The following GPR161 variants were observed in gnomAD, a reference collection of about 807,000 sequenced individuals.
The protein encoded by GPR161 is G protein-coupled receptor 161, also known as G-protein coupled receptor RE2.
GPR161 carries 25 observed loss-of-function variants against 39.2 expected under a neutral mutation model. The ratio of observed to expected loss-of-function variants is 0.64; its 90% CI spans 0.47 to 0.89. GPR161 has a LOEUF of 0.89. Among genes scored for constraint, GPR161 ranks in the 40% least tolerant of loss-of-function variants. GPR161 has a pLI of 0.00. For synonymous variants in GPR161, 286 were observed against 276.6 expected (o/e 1.03, Z -0.34); for missense variants, 547 against 677.8 (o/e 0.81, Z 2.14).
At position 168,079,770 on chromosome 1, in the gene GPR161, G is replaced by A. The variant is rs1055750376; in HGVS notation, c.*5761C>T. 6.6e-6 allele frequency: 1 copy of A among 152,092 alleles called. No individual in the cohort carries two copies. Among genetic ancestry groups the A allele is most frequent in the South Asian group, 2.1e-4 (1 of 4,816 alleles). 9.4% of individuals were successfully genotyped at this position (152,092 alleles called of 1,614,324 possible). A position where few individuals can be genotyped will look rare whatever the true frequency, so the allele number is the denominator to read the frequency against. Reference sequence around the variant, plus strand: ...CGGTCTATTATGAGAACACAACACAGTCCTCTGTCCCTTAAGCATGCAGGT... The same window carrying A: ...CGGTCTATTATGAGAACACAACACAATCCTCTGTCCCTTAAGCATGCAGGT... On this transcript the variant is annotated 3_prime_UTR_variant, in exon 6 of 6. Coordinates refer to ENST00000682931, the MANE Select transcript of GPR161 (RefSeq NM_001375883.1).
chr1:168,115,614 T>G (rs1697553939), intron 1 of GPR161, among the ~76,000 whole-genome samples: 1 of 152,248 alleles, frequency 6.6e-6, no homozygotes, highest in African/African-American at 2.4e-5. Context: ...CCTTCATTTA[T>G]GAGGACATCC....
At chr1:168,092,855 CG>C (rs1323471155) in intron 3 of GPR161, among the ~76,000 whole-genome samples, 1 of 152,158 alleles carries the variant, frequency 6.6e-6, no homozygotes, top group African/African-American at 2.4e-5. Flanking sequence ...CAGTGTCCTT[CG>C]CAGGAGATAA....
intron 1 of GPR161, among the ~76,000 whole-genome samples, chr1:168,110,593 A>AAAAGAAAAGAAAAGAAAAGAAAAG (rs144639460): frequency 1.3e-5 from 1 of 78,866 alleles, no homozygotes; most frequent in East Asian, 2.7e-4. Context: ...AAAAGAAAAG[A>AAAAGAAAAGAAAAGAAAAGAAAAG]AAAGAGACAA....
intron 3 of GPR161, among the ~76,000 whole-genome samples, chr1:168,095,714 G>A (rs1013832645): frequency 6.6e-6 from 1 of 152,194 alleles, no homozygotes; most frequent in Non-Finnish European, 1.5e-5. Context: ...TGGTTGAGGA[G>A]GAAGACAGCA....
intron 1 of GPR161, among the ~76,000 whole-genome samples, chr1:168,132,852 C>T (rs1251523469): frequency 2.0e-5 from 3 of 152,128 alleles, no homozygotes; most frequent in Admixed American, 2.0e-4. Context: ...TCAAGCGATT[C>T]TCCTGCCTCA....
chr1:168,136,947 C>CGGG, upstream of GPR161: 2 of 940,878 alleles, frequency 2.1e-6, no homozygotes, highest in Non-Finnish European at 2.5e-6. Flanking sequence ...GCGGCGCCCG[C>CGGG]GCCCCGCCCC....
Position 168,091,759 on chromosome 1 carries a change from T to TA in GPR161, c.1100-1092dup, listed in dbSNP as rs565387273. The stretch of plus-strand genomic sequence containing the variant: ...GGTCATCCTCAGAATGTTAGGAAAA[T>TA]AAAAAAAAGAGCTGCAGGCTATGAA... On this transcript the variant is annotated intron_variant, in intron 3 of 5. Transcript: ENST00000682931. Among the ~76,000 whole-genome samples, 99 of 150,764 alleles carry TA rather than the reference T, an allele frequency of 6.6e-4. 1 individual carries two copies. The South Asian group carries it at 0.019, about 29-fold the overall frequency.
Position 168,119,231 on chromosome 1 carries a change from TATATATATATACAC to T in GPR161, c.-44-14351_-44-14338del, listed in dbSNP as rs1451267512. Among the ~76,000 whole-genome samples the T allele has an allele frequency of 3.4e-4, 40 of 116,038 alleles. 5 individuals are homozygous for T. The highest frequency in any genetic ancestry group is 1.5e-3 in the African/African-American group (37 of 24,396). The allele number at this position is 116,038 out of a possible 152,430, so 76.1% of individuals were successfully genotyped here. On this transcript the variant is annotated intron_variant, in intron 1 of 5. Transcript: ENST00000682931. ...ATATGTATACATATATATATACGTATATATATATATACACATATATATATACGTATATATATGTG... is the reference window on the plus strand; with the variant it reads ...ATATGTATACATATATATATACGTATATATATATATACGTATATATATGTG...
chr1:168,096,727 C>A lies in GPR161; in HGVS notation c.880G>T (p.Ala294Ser). The change falls in exon 3 of 6, where the codon GCC becomes TCC. Residue 294 changes from alanine to serine, a missense_variant. Coordinates refer to ENST00000682931, the MANE Select transcript of GPR161 (RefSeq NM_001375883.1). ...GAGACGGAGCTTTTCCCCCAGAGGGCCTCAGAGGCGATGACAACCATGTAG... is the reference window on the plus strand; with the variant it reads ...GAGACGGAGCTTTTCCCCCAGAGGGACTCAGAGGCGATGACAACCATGTAG... The part of the protein sequence containing the change: ...GPYMVVIASE[A>S]LWGKSSVSPS... The A allele has an allele frequency of 6.2e-7, 1 of 1,614,076 alleles. No homozygotes were observed. Among genetic ancestry groups the A allele is most frequent in the Non-Finnish European group, 8.5e-7 (1 of 1,180,020 alleles).
chr1:168,109,206 C>T (rs1397642819), intron 1 of GPR161, among the ~76,000 whole-genome samples: 2 of 152,108 alleles, frequency 1.3e-5, no homozygotes, highest in Admixed American at 1.3e-4. Flanking sequence ...TGGGAGTCTC[C>T]TCTGGCAACA....
intron 3 of GPR161, among the ~76,000 whole-genome samples, chr1:168,093,160 C>T (rs3767474): frequency 0.21 from 31,426 of 152,096 alleles, 3,961 homozygotes; most frequent in Admixed American, 0.37. Context: ...TAGCAATGTC[C>T]ATGCAGGGCT....
chr1:168,123,486 CTATCTATCTA>C (rs1012718250), intron 1 of GPR161, among the ~76,000 whole-genome samples: 6 of 150,370 alleles, frequency 4.0e-5, no homozygotes, highest in African/African-American at 7.4e-5. Context: ...ATCTGTCTAT[CTATCTATCTA>C]TATCTATCTA....
intron 1 of GPR161, among the ~76,000 whole-genome samples, chr1:168,110,126 A>T (rs1373418431): frequency 6.6e-6 from 1 of 152,248 alleles, no homozygotes; most frequent in South Asian, 2.1e-4. Flanking sequence ...GATGAAAGTG[A>T]GCACATAGCA....
chr1:168,134,177 T>C (rs190737552), intron 1 of GPR161, among the ~76,000 whole-genome samples: 97 of 152,330 alleles, frequency 6.4e-4, no homozygotes, highest in African/African-American at 9.1e-4. Flanking sequence ...CTCTCACCCA[T>C]TGCTTGAGTA....
In GPR161 at chr1:168,119,239, T is replaced by C. The variant is rs1480418275; in HGVS notation, c.-44-14345A>G. On this transcript the variant is annotated intron_variant, in intron 1 of 5. Transcript: ENST00000682931. ...ACATATATATATACGTATATATATATATACACATATATATATACGTATATA... is the reference window on the plus strand; with the variant it reads ...ACATATATATATACGTATATATATACATACACATATATATATACGTATATA... 4.1e-5 allele frequency among the ~76,000 whole-genome samples: 5 copies of C among 120,770 alleles called. 1 individual carries two copies. The highest frequency in any genetic ancestry group is 3.3e-4 in the Admixed American group (4 of 12,210). The allele number at this position is 120,770 out of a possible 152,430, so 79.2% of individuals were successfully genotyped here.
Position 168,104,827 on chromosome 1 carries a change from G to A in GPR161, c.24C>T (p.Ser8=). 6.2e-7 allele frequency: 1 copy of A among 1,613,718 alleles called. No homozygotes were observed. Among genetic ancestry groups the A allele is most frequent in the Non-Finnish European group, 8.5e-7 (1 of 1,179,622 alleles). The change falls in exon 2 of 6, where the codon AGC becomes AGT. Residue 8 remains serine (S), a synonymous_variant. Coordinates refer to ENST00000682931, the MANE Select transcript of GPR161 (RefSeq NM_001375883.1). MSLNSSL[S]CRKELSNLTE... Reference sequence around the variant, plus strand: ...TGAGATTACTCAGCTCCTTCCTGCAGCTGAGGGAGGAGTTGAGGCTCATGG... The same window carrying A: ...TGAGATTACTCAGCTCCTTCCTGCAACTGAGGGAGGAGTTGAGGCTCATGG...
intron 4 of GPR161, chr1:168,089,322 GCA>G (rs1337525635): frequency 6.6e-6 from 1 of 152,204 alleles, no homozygotes; most frequent in African/African-American, 2.4e-5. Context: ...GGCCTAGAGG[GCA>G]CAGTGTGATC....
Position 168,097,195 on chromosome 1 carries a change from TCATGGGGTACAC to T in GPR161, c.400_411del (p.Val134_Met137del). 1 of 1,613,808 alleles carries T rather than the reference TCATGGGGTACAC, an allele frequency of 6.2e-7. No homozygotes were observed. The highest frequency in any genetic ancestry group is 8.5e-7 in the Non-Finnish European group (1 of 1,179,904). On this transcript the variant is annotated inframe_deletion, in exon 3 of 6. Transcript: ENST00000682931. Reference sequence around the variant, plus strand: ...ATCACAGCCCGGTTCCCTGTGATCTTCATGGGGTACACCATGGGGTACAGGACAGCATAGTAG... The same window carrying T: ...ATCACAGCCCGGTTCCCTGTGATCTTCATGGGGTACAGGACAGCATAGTAG...
Position 168,084,367 on chromosome 1 carries a change from G to T in GPR161, c.*1164C>A. The T allele has an allele frequency of 4.9e-6, 1 of 204,180 alleles. No individual in the cohort carries two copies. The highest frequency in any genetic ancestry group is 1.0e-5 in the Non-Finnish European group (1 of 99,750). 12.6% of individuals were successfully genotyped at this position (204,180 alleles called of 1,614,324 possible). Reference sequence around the variant, plus strand: ...TTTACAAATCCTGAGAACACCAAAGGTCAGAGCTGGAAATGATCTTGGAGA... The same window carrying T: ...TTTACAAATCCTGAGAACACCAAAGTTCAGAGCTGGAAATGATCTTGGAGA... On this transcript the variant is annotated 3_prime_UTR_variant, in exon 6 of 6. Coordinates refer to ENST00000682931, the MANE Select transcript of GPR161 (RefSeq NM_001375883.1).
Sources: gnomAD v4.1 joint callset for allele counts (sites outside exome capture counted in the v4.1 genomes callset) on GRCh38, gnomAD v4.1.1 for gene constraint, MANE v1.5 for transcripts, NCBI Gene and HGNC (gene_info 2026-07-23, HGNC 2026-07-21) for gene names.